The following B3GNT2 variants were observed in gnomAD, a reference collection of about 807,000 sequenced individuals.
B3GNT2 encodes the protein UDP-GlcNAc:betaGal beta-1,3-N-acetylglucosaminyltransferase 2.
A neutral mutation model predicts 27.6 loss-of-function variants in B3GNT2; 12 were observed. The observed-to-expected ratio is 0.44, with a 90% CI of 0.28 to 0.71. B3GNT2 has a LOEUF of 0.71. B3GNT2 is among the 30% of genes least tolerant of loss of function. B3GNT2 has a pLI of 0.17. For missense variants in B3GNT2, 413 were observed against 488.5 expected (o/e 0.85, Z 1.46); for synonymous variants, 192 against 189.7 (o/e 1.01, Z -0.10).
At chr2:62,221,252 A>G (rs917493348) in intron 1 of B3GNT2, among the ~76,000 whole-genome samples, 1 of 152,168 alleles carries the variant, frequency 6.6e-6, no homozygotes, top group Non-Finnish European at 1.5e-5. Flanking sequence ...TTCCCTTTCT[A>G]TTGCCGAGGG....
chr2:62,211,007 A>G (rs1190602600), intron 1 of B3GNT2, among the ~76,000 whole-genome samples: 5 of 152,108 alleles, frequency 3.3e-5, no homozygotes, highest in African/African-American at 1.2e-4. Context: ...GAGGGTGTTT[A>G]TGTGTTTTCA....
chr2:62,213,106 ATGAC>A (rs1674510724), intron 1 of B3GNT2, among the ~76,000 whole-genome samples: 1 of 152,180 alleles, frequency 6.6e-6, no homozygotes, highest in South Asian at 2.1e-4. Context: ...TTTTTCTAAA[ATGAC>A]TGTCAGCTGG....
intron 1 of B3GNT2, among the ~76,000 whole-genome samples, chr2:62,218,694 C>CT (rs1674621990): frequency 6.6e-6 from 1 of 152,186 alleles, no homozygotes; most frequent in East Asian, 1.9e-4. Context: ...TCACGTAACT[C>CT]TTCCATAATA....
At chr2:62,211,387 A>G (rs761418086) in intron 1 of B3GNT2, among the ~76,000 whole-genome samples, 27 of 149,748 alleles carry the variant, frequency 1.8e-4, no homozygotes, top group Admixed American at 6.6e-4. Context: ...TTGATAAGGC[A>G]GACCACATTT....
At chr2:62,209,997 G>C (rs188908356) in intron 1 of B3GNT2, among the ~76,000 whole-genome samples, 1 of 152,136 alleles carries the variant, frequency 6.6e-6, no homozygotes, top group Admixed American at 6.5e-5. Flanking sequence ...CCCTGGATAC[G>C]TTAAACCATT....
chr2:62,198,181 G>A (rs1210119497), intron 1 of B3GNT2, among the ~76,000 whole-genome samples: 1 of 152,156 alleles, frequency 6.6e-6, no homozygotes, highest in Non-Finnish European at 1.5e-5. Flanking sequence ...GTATGATGAA[G>A]GCCTAATTCT....
intron 1 of B3GNT2, among the ~76,000 whole-genome samples, chr2:62,196,888 T>G (rs1051909338): frequency 2.0e-5 from 3 of 151,714 alleles, no homozygotes; most frequent in Non-Finnish European, 4.4e-5. Flanking sequence ...CCGTGCCGCA[T>G]GGGGAGATCA....
chr2:62,204,992 A>C (rs1211031501), intron 1 of B3GNT2, among the ~76,000 whole-genome samples: 2 of 152,214 alleles, frequency 1.3e-5, no homozygotes, highest in African/African-American at 4.8e-5. Context: ...AATGGACCAC[A>C]GAGTGGGCAG....
chr2:62,223,735 T>G lies in B3GNT2; in HGVS notation c.*321T>G, dbSNP rs892441291. ...ATTTTAAGTGATTTTGTTTGCCCTC[T>G]TCTATAATATTCCTACTTCCCATAA... On this transcript the variant is annotated 3_prime_UTR_variant, in exon 2 of 2. Transcript: ENST00000301998. The G allele has an allele frequency of 2.2e-5, 5 of 227,364 alleles. No homozygotes were observed. Among genetic ancestry groups the G allele is most frequent in the Non-Finnish European group, 3.8e-5 (4 of 106,190 alleles). The allele number at this position is 227,364 out of a possible 1,614,324, so 14.1% of individuals were successfully genotyped here. A position where few individuals can be genotyped will look rare whatever the true frequency, so the allele number is the denominator to read the frequency against.
chr2:62,215,031 A>G (rs1019019078), intron 1 of B3GNT2, among the ~76,000 whole-genome samples: 1 of 152,140 alleles, frequency 6.6e-6, no homozygotes, highest in African/African-American at 2.4e-5. Flanking sequence ...GAATACTTCT[A>G]GTGGCTAATT....
chr2:62,222,274 T>C lies in B3GNT2; in HGVS notation c.54T>C (p.Asn18=). ...TGTTGGGTATCCTGATGATGGCAAA[T>C]GTCTTCATTTATTTTATTATGGAAG... The part of the protein sequence containing the change: ...IKLLGILMMA[N]VFIYFIMEVS... Residue 18 remains asparagine (N), a synonymous_variant, in exon 2 of 2, where the codon AAT becomes AAC. Transcript: ENST00000301998. The surrounding 1 kb of genome is among the most constrained non-coding windows in gnomAD (Gnocchi z 4.2). The C allele has an allele frequency of 6.2e-7, 1 of 1,612,848 alleles. No homozygotes were observed. Among genetic ancestry groups the C allele is most frequent in the Non-Finnish European group, 8.5e-7 (1 of 1,179,730 alleles).
At chr2:62,214,380 AGCACCTG>A (rs71987014) in intron 1 of B3GNT2, among the ~76,000 whole-genome samples, 18,982 of 152,132 alleles carry the variant, frequency 0.12, 1,323 homozygotes, top group Admixed American at 0.22. Flanking sequence ...GCGTAATAGA[AGCACCTG>A]GCTCCTGGCT....
At chr2:62,217,913 A>T (rs890263578) in intron 1 of B3GNT2, among the ~76,000 whole-genome samples, 4 of 152,242 alleles carry the variant, frequency 2.6e-5, no homozygotes, top group Non-Finnish European at 5.9e-5. Context: ...AAACAAAACC[A>T]ACTGAAGTTT....
At chr2:62,221,359 G>A (rs1314419409) in intron 1 of B3GNT2, among the ~76,000 whole-genome samples, 1 of 152,204 alleles carries the variant, frequency 6.6e-6, no homozygotes, top group Admixed American at 6.5e-5. Context: ...GCTGTCCTGA[G>A]TCTGCTTTCA....
chr2:62,219,916 G>C (rs1406098620), intron 1 of B3GNT2, among the ~76,000 whole-genome samples: 1 of 152,186 alleles, frequency 6.6e-6, no homozygotes, highest in Non-Finnish European at 1.5e-5. Context: ...GGGGAGTCAT[G>C]AGTCTCTAGT....
At chr2:62,202,723 T>C (rs1674292321) in intron 1 of B3GNT2, among the ~76,000 whole-genome samples, 1 of 152,204 alleles carries the variant, frequency 6.6e-6, no homozygotes, top group African/African-American at 2.4e-5. Flanking sequence ...AGAAAGAAGC[T>C]GGAGGGATCC....
At position 62,217,675 on chromosome 2, in the gene B3GNT2, C is replaced by G. The variant is rs148210652; in HGVS notation, c.-9-4537C>G. On this transcript the variant is annotated intron_variant, in intron 1 of 1. Coordinates refer to ENST00000301998, the MANE Select transcript of B3GNT2 (RefSeq NM_006577.6). ...ATGGGGCTGTGTGCTGTATCCCGGT[C>G]CCCAGCGTGCGGCGGAAGAGGCTGC... Among the ~76,000 whole-genome samples the G allele has an allele frequency of 4.1e-3, 621 of 152,302 alleles. 1 individual carries two copies. Among genetic ancestry groups the G allele is most frequent in the Non-Finnish European group, 6.6e-3 (446 of 68,010 alleles).
At chr2:62,204,996 T>C in intron 1 of B3GNT2, among the ~76,000 whole-genome samples, 1 of 151,932 alleles carries the variant, frequency 6.6e-6, no homozygotes, top group Non-Finnish European at 1.5e-5. Context: ...GACCACAGAG[T>C]GGGCAGCCAT....
chr2:62,220,300 A>G (rs986431890), intron 1 of B3GNT2, among the ~76,000 whole-genome samples: 1 of 152,254 alleles, frequency 6.6e-6, no homozygotes, highest in African/African-American at 2.4e-5. Context: ...GGAGTCAGCC[A>G]TGCTAGATTT....
Sources: gnomAD v4.1 joint callset for allele counts (sites outside exome capture counted in the v4.1 genomes callset) on GRCh38, gnomAD v4.1.1 for gene constraint, Gnocchi (gnomAD v3.1) non-coding constraint, MANE v1.5 for transcripts, NCBI Gene and HGNC (gene_info 2026-07-23, HGNC 2026-07-21) for gene names.